The following LINGO1 variants were observed in gnomAD, a reference collection of about 807,000 sequenced individuals.
LINGO1 encodes leucine rich repeat and Ig domain containing 1, also known as leucine-rich repeat and immunoglobulin-like domain-containing nogo receptor-interacting protein 1.
LINGO1 carries 11 observed loss-of-function variants against 37.3 expected under a neutral mutation model. The ratio of observed to expected loss-of-function variants is 0.29; its 90% CI spans 0.19 to 0.49. The LOEUF (loss-of-function observed/expected upper bound fraction) is 0.49. LINGO1 is among the 20% of genes least tolerant of loss of function. The pLI, the probability that LINGO1 is intolerant of heterozygous loss-of-function variation, is 0.99. For synonymous variants in LINGO1, 387 were observed against 403.0 expected, an observed-to-expected ratio of 0.96 and a Z score of 0.48; for missense variants, 585 against 878.2, an observed-to-expected ratio of 0.67 and a Z score of 4.22.
chr15:77,760,768 G>A (rs761182983), intron 1 of LINGO1, among the ~76,000 whole-genome samples: 3 of 152,158 alleles, frequency 2.0e-5, no homozygotes, highest in Non-Finnish European at 4.4e-5. Flanking sequence ...GACACAGGAG[G>A]AGGAATAAGT....
Position 77,707,793 on chromosome 15 carries a change from C to G in LINGO1, c.-194-16892G>C, listed in dbSNP as rs1473508131. Among the ~76,000 whole-genome samples, 4 of 152,146 alleles carry G rather than the reference C, an allele frequency of 2.6e-5. No individual in the cohort carries two copies. The East Asian group carries it at 7.7e-4, about 29-fold the overall frequency. ...AACCCCTGGGGAAGGCTCTGACCATCAGGGTTTGCCAGGATGCCAGGCAGG... is the reference window on the plus strand; with the variant it reads ...AACCCCTGGGGAAGGCTCTGACCATGAGGGTTTGCCAGGATGCCAGGCAGG... On this transcript the variant is annotated intron_variant, in intron 2 of 3. Transcript: ENST00000561686.
At chr15:77,714,650 A>G (rs1177022877) in intron 2 of LINGO1, among the ~76,000 whole-genome samples, 22 of 152,226 alleles carry the variant, frequency 1.4e-4, no homozygotes, top group Non-Finnish European at 4.4e-5. Context: ...GTGCACAGCC[A>G]GTGCCTGGAG....
At chr15:77,816,608 T>C (rs1000849522) in intron 1 of LINGO1, among the ~76,000 whole-genome samples, 1 of 152,096 alleles carries the variant, frequency 6.6e-6, no homozygotes, top group South Asian at 2.1e-4. Context: ...TCCCTCCCAG[T>C]CAGGAGGCTG....
chr15:77,768,339 G>GC (rs2076550512), intron 1 of LINGO1, among the ~76,000 whole-genome samples: 1 of 152,324 alleles, frequency 6.6e-6, no homozygotes, highest in African/African-American at 2.4e-5. Flanking sequence ...GTGGGAGTCT[G>GC]CCCCCGCCAG....
chr15:77,769,821 G>A (rs547188950), intron 1 of LINGO1, among the ~76,000 whole-genome samples: 11 of 152,294 alleles, frequency 7.2e-5, no homozygotes, highest in South Asian at 4.1e-4. Flanking sequence ...AGTCTCTCCC[G>A]GTGCGGGTAC....
At chr15:77,665,924 C>A (rs185699488) in intron 3 of LINGO1, among the ~76,000 whole-genome samples, 23 of 152,232 alleles carry the variant, frequency 1.5e-4, no homozygotes, top group African/African-American at 2.4e-5. Context: ...CCAGCCACCC[C>A]CACACGGTGC....
intron 2 of LINGO1, among the ~76,000 whole-genome samples, chr15:77,713,210 T>TTTTGTGTGTGTGTG (rs1241253175): frequency 8.9e-5 from 11 of 123,722 alleles, no homozygotes; most frequent in African/African-American, 3.6e-4. Flanking sequence ...GCCCAGCTAA[T>TTTTGTGTGTGTGTG]TGTGTGTGTG....
At chr15:77,685,837 T>C (rs1033183911) in intron 2 of LINGO1, among the ~76,000 whole-genome samples, 1 of 152,148 alleles carries the variant, frequency 6.6e-6, no homozygotes, top group African/African-American at 2.4e-5. Context: ...GGTGACACAG[T>C]GAGACCCCAT....
At chr15:77,642,751 G>A (rs2074537429) in intron 3 of LINGO1, among the ~76,000 whole-genome samples, 1 of 152,226 alleles carries the variant, frequency 6.6e-6, no homozygotes, top group Non-Finnish European at 1.5e-5. Context: ...TCCCCCAGCA[G>A]GGCATTACTT....
At chr15:77,639,302 G>A (rs2074453102), upstream of LINGO1, among the ~76,000 whole-genome samples, 1 of 152,070 alleles carries the variant, frequency 6.6e-6, no homozygotes, top group African/African-American at 2.4e-5. Flanking sequence ...GATTTGTTAT[G>A]CAGCAATAGA....
chr15:77,807,063 T>G (rs2076966138), intron 1 of LINGO1, among the ~76,000 whole-genome samples: 1 of 152,240 alleles, frequency 6.6e-6, no homozygotes, highest in Admixed American at 6.5e-5. Flanking sequence ...GTCACCCTTC[T>G]CTGCCTTCGC....
At chr15:77,740,552 G>C (rs925518209) in intron 1 of LINGO1, among the ~76,000 whole-genome samples, 1 of 152,106 alleles carries the variant, frequency 6.6e-6, no homozygotes, top group South Asian at 2.1e-4. Context: ...TCACGCTGTG[G>C]GGCCTCTGCA....
intron 1 of LINGO1, among the ~76,000 whole-genome samples, chr15:77,818,104 C>G (rs1260412999): frequency 6.6e-6 from 1 of 152,112 alleles, no homozygotes; most frequent in Admixed American, 6.6e-5. Flanking sequence ...GCTTGGGATC[C>G]CAGCAGTTAC....
chr15:77,686,655 G>A (rs1044606888), intron 2 of LINGO1, among the ~76,000 whole-genome samples: 8 of 152,164 alleles, frequency 5.3e-5, no homozygotes, highest in African/African-American at 1.9e-4. Context: ...GTTATGCTGG[G>A]AGAACACTTA....
chr15:77,677,405 C>T lies in LINGO1; in HGVS notation c.-98-231G>A, dbSNP rs1298676225. Among the ~76,000 whole-genome samples the T allele has an allele frequency of 2.6e-5, 4 of 152,236 alleles. No homozygotes were observed. In the East Asian group the frequency reaches 7.7e-4, roughly 29 times the overall value. On this transcript the variant is annotated intron_variant, in intron 2 of 3. Transcript: ENST00000559893. ...ATCACACCCTCAGGAGCATCAACTC[C>T]CTGGCCTGGCATTCAAGGCCCCGTC... is the stretch of plus-strand genomic sequence containing the variant.
At chr15:77,724,766 C>T (rs1250358625) in intron 2 of LINGO1, among the ~76,000 whole-genome samples, 1 of 152,230 alleles carries the variant, frequency 6.6e-6, no homozygotes, top group Non-Finnish European at 1.5e-5. Flanking sequence ...CCTACTACCT[C>T]CCTTGGCCAC....
chr15:77,663,821 C>T (rs906485977), intron 3 of LINGO1, among the ~76,000 whole-genome samples: 4 of 152,218 alleles, frequency 2.6e-5, no homozygotes, highest in Non-Finnish European at 4.4e-5. Flanking sequence ...ACCCTCCATG[C>T]AATCAGCTGA....
chr15:77,648,097 T>A (rs112541906), intron 3 of LINGO1: 42 of 358,100 alleles, frequency 1.2e-4, no homozygotes, highest in African/African-American at 8.5e-4. Context: ...TGGTATCAGG[T>A]GTGGATAGCT....
At chr15:77,643,314 G>A (rs1158113635) in intron 3 of LINGO1, among the ~76,000 whole-genome samples, 1 of 152,166 alleles carries the variant, frequency 6.6e-6, no homozygotes, top group Non-Finnish European at 1.5e-5. Flanking sequence ...AGGATCAGGG[G>A]AGACCCAGGG....
Sources: allele counts gnomAD v4.1 joint callset (sites outside exome capture counted in the v4.1 genomes callset), GRCh38; gene constraint gnomAD v4.1.1; transcripts MANE v1.5; gene names NCBI Gene and HGNC (gene_info 2026-07-23, HGNC 2026-07-21).